Variants in ELMOD1 observed in about 807,000 individuals in gnomAD.
ELMOD1 encodes the protein ELMO domain containing 1, also known as ELMO domain-containing protein 1.
A neutral mutation model predicts 46.7 loss-of-function variants in ELMOD1; 21 were observed. The ratio of observed to expected loss-of-function variants is 0.45; its 90% CI spans 0.32 to 0.65. The LOEUF is 0.65. ELMOD1 is among the 30% of genes least tolerant of loss of function. The pLI is 0.04. For missense variants in ELMOD1, 348 were observed against 407.8 expected, an observed-to-expected ratio of 0.85 and a Z score of 1.26; for synonymous variants, 122 against 138.2, an observed-to-expected ratio of 0.88 and a Z score of 0.82.
At chr11:107,610,082 G>A (rs896218097) in intron 1 of ELMOD1, among the ~76,000 whole-genome samples, 19 of 152,100 alleles carry the variant, frequency 1.2e-4, no homozygotes, top group Non-Finnish European at 2.4e-4. Context: ...CATTGTACCC[G>A]TCCATGGGTG....
At chr11:107,599,759 AGAAAAG>A (rs1185790950) in intron 1 of ELMOD1, among the ~76,000 whole-genome samples, 20 of 148,760 alleles carry the variant, frequency 1.3e-4, no homozygotes, top group Middle Eastern at 3.5e-3. Context: ...AAAGAAAAAA[AGAAAAG>A]AAAAAAAAAA....
intron 4 of ELMOD1, 37 bp downstream of exon 4, chr11:107,630,765 T>G (rs1866122767): frequency 6.4e-7 from 1 of 1,567,894 alleles, no homozygotes; most frequent in Non-Finnish European, 8.7e-7. Context: ...TTTTTTTCAC[T>G]TGGAAGCTTA....
chr11:107,665,309 C>A lies in ELMOD1; in HGVS notation c.*112C>A. The A allele has an allele frequency of 9.4e-7, 1 of 1,068,244 alleles. No individual in the cohort carries two copies. The highest frequency in any genetic ancestry group is 1.4e-6 in the Non-Finnish European group (1 of 731,728). The allele number at this position is 1,068,244 out of a possible 1,614,324, so 66.2% of individuals were successfully genotyped here. A position where few individuals can be genotyped will look rare whatever the true frequency, so the allele number is the denominator to read the frequency against. Reference sequence around the variant, plus strand: ...ATGCACACAGTGATTGTATGCATGCCTTTTGGTACAGTGTTTTCATCTCTT... The same window carrying A: ...ATGCACACAGTGATTGTATGCATGCATTTTGGTACAGTGTTTTCATCTCTT... On this transcript the variant is annotated 3_prime_UTR_variant, in exon 12 of 12. Coordinates refer to ENST00000265840, the MANE Select transcript of ELMOD1 (RefSeq NM_018712.4).
At chr11:107,598,383 G>C (rs1006981605) in intron 1 of ELMOD1, among the ~76,000 whole-genome samples, 31 of 152,182 alleles carry the variant, frequency 2.0e-4, no homozygotes, top group African/African-American at 7.5e-4. Context: ...GCCCTCGATG[G>C]CTTGACAATG....
rs200499547 is a variant in ELMOD1 at position 107,665,962 on chromosome 11, AAAAT to A, written c.*817_*820del. On this transcript the variant is annotated 3_prime_UTR_variant, in exon 12 of 12. Coordinates refer to ENST00000265840, the MANE Select transcript of ELMOD1 (RefSeq NM_018712.4). ...GGCGACAGAGCAAGACTCCATCTCA[AAAAT>A]AAATAAATAAATAAATAAATAAATA... 0.56 allele frequency: 67,327 copies of A among 120,166 alleles called. 17,066 individuals are homozygous for A. Among genetic ancestry groups the A allele is most frequent in the African/African-American group, 0.6 (21,205 of 35,062 alleles). 7.4% of individuals were successfully genotyped at this position (120,166 alleles called of 1,614,324 possible).
At position 107,630,546 on chromosome 11, in the gene ELMOD1, T is replaced by C. The variant is rs1591120281; in HGVS notation, c.147T>C (p.Ser49=). ...RICYNTKPGA[S]RTMKIETSLR... ...GTTATAATACCAAGCCGGGAGCTTC[T>C]AGAACCATGAAAATCGGTAAGCCTG... The change falls in exon 3 of 12, where the codon TCT becomes TCC. Residue 49 remains serine (S), a synonymous_variant. Transcript: ENST00000265840. 1.2e-6 allele frequency: 2 copies of C among 1,610,214 alleles called. No homozygotes were observed. Among genetic ancestry groups the C allele is most frequent in the East Asian group, 4.5e-5 (2 of 44,814 alleles).
intron 5 of ELMOD1, among the ~76,000 whole-genome samples, chr11:107,632,509 A>T (rs1866157940): frequency 6.6e-6 from 1 of 152,156 alleles, no homozygotes; most frequent in Admixed American, 6.5e-5. Flanking sequence ...TTTGGATACT[A>T]GCTATCTAGG....
intron 2 of ELMOD1, among the ~76,000 whole-genome samples, chr11:107,619,014 T>G (rs1865905568): frequency 6.6e-6 from 1 of 152,216 alleles, no homozygotes; most frequent in Admixed American, 6.5e-5. Flanking sequence ...CACATTCTTG[T>G]CTTTCACTCG....
intron 4 of ELMOD1, among the ~76,000 whole-genome samples, 184 bp from the exon 5 acceptor site, chr11:107,631,396 T>TCCCCC (rs1491141100): frequency 6.3e-5 from 2 of 31,536 alleles, no homozygotes; most frequent in East Asian, 1.9e-3. Context: ...AAAATTGCAC[T>TCCCCC]ACCCCCCCCC....
At chr11:107,625,044 T>C (rs1227542162) in intron 2 of ELMOD1, among the ~76,000 whole-genome samples, 1 of 152,182 alleles carries the variant, frequency 6.6e-6, no homozygotes, top group East Asian at 1.9e-4. Context: ...AAGGAAATAC[T>C]CTTGTTTTCC....
In ELMOD1 at chr11:107,630,515, G is replaced by A. The variant is rs372363830; in HGVS notation, c.116G>A (p.Arg39Gln). The A allele has an allele frequency of 1.1e-5, 18 of 1,610,482 alleles. No individual in the cohort carries two copies. The highest frequency in any genetic ancestry group is 1.7e-4 in the Middle Eastern group (1 of 6,056). Residue 39 changes from arginine (R) to glutamine (Q), a missense_variant, in exon 3 of 12, where the codon CGG becomes CAG. Physicochemically the swap from Arg to Gln is conservative, Grantham distance 43 (BLOSUM62 1). Coordinates refer to ENST00000265840, the MANE Select transcript of ELMOD1 (RefSeq NM_018712.4). Reference protein sequence around the residue: ...RKLTGRCELQRICYNTKPGAS... With the variant: ...RKLTGRCELQQICYNTKPGAS... ...CTAACTGGAAGATGTGAACTACAAC[G>A]GATCTGTTATAATACCAAGCCGGGA... is the stretch of plus-strand genomic sequence containing the variant.
At chr11:107,610,331 A>G (rs1464509853) in intron 1 of ELMOD1, among the ~76,000 whole-genome samples, 1 of 152,172 alleles carries the variant, frequency 6.6e-6, no homozygotes, top group East Asian at 1.9e-4. Flanking sequence ...GAATTTTTCT[A>G]TATGTAACTA....
intron 11 of ELMOD1, among the ~76,000 whole-genome samples, chr11:107,658,091 T>C (rs1866665782): frequency 6.6e-6 from 1 of 152,182 alleles, no homozygotes; most frequent in Non-Finnish European, 1.5e-5. Context: ...CTTTATCTCC[T>C]ATAGAGAAAA....
rs201176533 is a variant in ELMOD1 at position 107,650,341 on chromosome 11, C to T, written c.561C>T (p.Phe187=). ...TCTTTCCCTCCCGCTGCAGGTATTT[C>T]GCGGAAAGGGATGCCACAGCAGCTC... is the stretch of plus-strand genomic sequence containing the variant. ...GLLGLYNLQY[F]AERDATAAQQ... is the part of the protein sequence containing the mutation. The change falls in exon 8 of 12, where the codon TTC becomes TTT. Residue 187 remains phenylalanine, a synonymous_variant. Transcript: ENST00000265840. 324 of 1,582,452 alleles carry T rather than the reference C, an allele frequency of 2.0e-4. No individual in the cohort carries two copies. The highest frequency in any genetic ancestry group is 2.6e-4 in the Non-Finnish European group (299 of 1,162,388).
chr11:107,641,221 G>A (rs1866316827), intron 6 of ELMOD1, among the ~76,000 whole-genome samples: 1 of 151,998 alleles, frequency 6.6e-6, no homozygotes, highest in Non-Finnish European at 1.5e-5. Flanking sequence ...GAGCCTGGGA[G>A]GCAGAGGTTG....
chr11:107,661,122 T>A (rs1866732918), intron 11 of ELMOD1, among the ~76,000 whole-genome samples: 1 of 152,222 alleles, frequency 6.6e-6, no homozygotes, highest in African/African-American at 2.4e-5. Context: ...CTTATTTTCC[T>A]GATGGGATAG....
intron 6 of ELMOD1, among the ~76,000 whole-genome samples, chr11:107,641,317 GTATA>G (rs35650343): frequency 1.3e-5 from 2 of 149,552 alleles, no homozygotes; most frequent in African/African-American, 2.5e-5. Context: ...AAAAAAATAA[GTATA>G]TATATATATA....
At chr11:107,649,374 A>G (rs955983729) in intron 7 of ELMOD1, among the ~76,000 whole-genome samples, 12 of 152,210 alleles carry the variant, frequency 7.9e-5, no homozygotes, top group Non-Finnish European at 1.0e-4. Flanking sequence ...ACACATTAAA[A>G]TTGAAAACTT....
chr11:107,609,088 T>G (rs1232355746), intron 1 of ELMOD1, among the ~76,000 whole-genome samples: 1 of 152,210 alleles, frequency 6.6e-6, no homozygotes, highest in Non-Finnish European at 1.5e-5. Flanking sequence ...AAAATGGAGA[T>G]AATTGTTATT....
Sources: gnomAD v4.1 joint callset for allele counts (sites outside exome capture counted in the v4.1 genomes callset) on GRCh38, gnomAD v4.1.1 for gene constraint, MANE v1.5 for transcripts, NCBI Gene and HGNC (gene_info 2026-07-23, HGNC 2026-07-21) for gene names.